The following RBKS variants were observed in gnomAD, a reference collection of about 807,000 sequenced individuals.
RBKS encodes ribokinase.
In RBKS, 33 loss-of-function variants were observed where a neutral mutation model predicts 33.9. The observed-to-expected ratio is 0.97, with a 90% CI of 0.74 to 1.30. RBKS has a LOEUF of 1.30. RBKS is among the 50% of genes most tolerant of loss of function. The pLI is 0.00. For synonymous variants in RBKS, 125 were observed against 143.0 expected, an observed-to-expected ratio of 0.87 and a Z score of 0.90; for missense variants, 361 against 392.6, an observed-to-expected ratio of 0.92 and a Z score of 0.68.
At chr2:27,788,672 A>C (rs1677451727) in intron 7 of RBKS, among the ~76,000 whole-genome samples, 1 of 152,174 alleles carries the variant, frequency 6.6e-6, no homozygotes, top group Non-Finnish European at 1.5e-5. Context: ...GCATCACTGC[A>C]CTCCAGCCTG....
At chr2:27,854,978 T>A (rs1663826732) in intron 2 of RBKS, among the ~76,000 whole-genome samples, 1 of 152,188 alleles carries the variant, frequency 6.6e-6, no homozygotes, top group African/African-American at 2.4e-5. Context: ...TGCCTATAGT[T>A]CATAATACTT....
chr2:27,857,305 A>C (rs1454594219), intron 2 of RBKS, among the ~76,000 whole-genome samples: 2 of 152,244 alleles, frequency 1.3e-5, no homozygotes, highest in Non-Finnish European at 2.9e-5. Context: ...AAAGAAACAC[A>C]ATCATCTACC....
intron 6 of RBKS, among the ~76,000 whole-genome samples, chr2:27,831,789 G>A (rs1041394437): frequency 6.6e-6 from 1 of 152,098 alleles, no homozygotes; most frequent in Non-Finnish European, 1.5e-5. Context: ...TTAGCCAAGC[G>A]TGGTGGTCCC....
At chr2:27,788,970 A>G (rs375144978) in intron 7 of RBKS, among the ~76,000 whole-genome samples, 136 of 152,350 alleles carry the variant, frequency 8.9e-4, no homozygotes, top group African/African-American at 2.9e-3. Flanking sequence ...CCCAGCTGCC[A>G]ACTATTGTAA....
At chr2:27,823,494 CA>C (rs1473114653) in intron 7 of RBKS, among the ~76,000 whole-genome samples, 1 of 152,134 alleles carries the variant, frequency 6.6e-6, no homozygotes, top group South Asian at 2.1e-4. Flanking sequence ...GAGAAGGTTA[CA>C]AACCGACTGA....
At chr2:27,817,705 C>T (rs1429094937) in intron 7 of RBKS, among the ~76,000 whole-genome samples, 3 of 152,242 alleles carry the variant, frequency 2.0e-5, no homozygotes, top group African/African-American at 7.2e-5. Context: ...TTTTCAAGAT[C>T]TGGCAGCTTC....
At chr2:27,887,907 C>T (rs1573085522) in intron 1 of RBKS, among the ~76,000 whole-genome samples, 1 of 152,074 alleles carries the variant, frequency 6.6e-6, no homozygotes, top group Middle Eastern at 3.4e-3. Flanking sequence ...AAATAATTTC[C>T]AAATTTTTCT....
chr2:27,848,998 A>G (rs967492182), intron 2 of RBKS, among the ~76,000 whole-genome samples: 1 of 152,136 alleles, frequency 6.6e-6, no homozygotes, highest in Non-Finnish European at 1.5e-5. Flanking sequence ...TGCTGGCTAT[A>G]AGAGAATGTA....
intron 4 of RBKS, among the ~76,000 whole-genome samples, chr2:27,845,914 T>A (rs1286507608): frequency 2.0e-5 from 3 of 152,148 alleles, no homozygotes; most frequent in Non-Finnish European, 4.4e-5. Flanking sequence ...GGCGTTTTTA[T>A]AATTAAAACA....
At chr2:27,867,076 C>A (rs1436947256) in intron 1 of RBKS, among the ~76,000 whole-genome samples, 2 of 146,120 alleles carry the variant, frequency 1.4e-5, no homozygotes, top group South Asian at 2.2e-4. Flanking sequence ...TGCACTCCAG[C>A]CTGAGTGACA....
rs143326202 is a variant in RBKS, at chr2:27,789,746, G to A, written c.796-7958C>T. On this transcript the variant is annotated intron_variant, in intron 7 of 7. Coordinates refer to ENST00000302188, the MANE Select transcript of RBKS (RefSeq NM_022128.3). The stretch of plus-strand genomic sequence containing the variant: ...CGCCTGGCTAATTTTTGTATTTTTA[G>A]TAGAGATGAGATTTCACCATATTGG... Among the ~76,000 whole-genome samples the A allele has an allele frequency of 8.1e-3, 1,226 of 151,362 alleles. 13 individuals are homozygous for A. The highest frequency in any genetic ancestry group is 0.028 in the African/African-American group (1,157 of 41,256).
At chr2:27,798,720 A>G (rs1207851029) in intron 7 of RBKS, among the ~76,000 whole-genome samples, 1 of 151,990 alleles carries the variant, frequency 6.6e-6, no homozygotes, top group African/African-American at 2.4e-5. Flanking sequence ...CCACTTTTCC[A>G]GTTTCATCTC....
rs555625427 is a variant in RBKS, at chr2:27,799,831, G to A, written c.796-18043C>T. The stretch of plus-strand genomic sequence containing the variant: ...ATGGCTCATACTTAGGCTGGCCCAG[G>A]GGCCAGGCTTGCTCTGCGCTCTCTT... On this transcript the variant is annotated intron_variant, in intron 7 of 7. Coordinates refer to ENST00000302188, the MANE Select transcript of RBKS (RefSeq NM_022128.3). 3.9e-5 allele frequency among the ~76,000 whole-genome samples: 6 copies of A among 152,258 alleles called. No homozygotes were observed. The East Asian group carries it at 1.2e-3, about 29-fold the overall frequency.
At position 27,831,102 on chromosome 2, in the gene RBKS, C is replaced by T. The variant is rs535469915; in HGVS notation, c.606+1584G>A. ...GTCTTCCAACTGAAGCCCCAGGCAT[C>T]GCGTGGGAGAGTCAAACCATGCTAT... On this transcript the variant is annotated intron_variant, in intron 6 of 7. Coordinates refer to ENST00000302188, the MANE Select transcript of RBKS (RefSeq NM_022128.3). 3.3e-5 allele frequency among the ~76,000 whole-genome samples: 5 copies of T among 152,250 alleles called. No individual in the cohort carries two copies. In the East Asian group the frequency reaches 7.7e-4, roughly 23 times the overall value.
In RBKS at chr2:27,781,734, T is replaced by G; in HGVS notation, c.850A>C (p.Asn284His). 1 of 1,614,056 alleles carries G rather than the reference T, an allele frequency of 6.2e-7. No individual in the cohort carries two copies. The highest frequency in any genetic ancestry group is 8.5e-7 in the Non-Finnish European group (1 of 1,179,972). Residue 284 changes from asparagine (N) to histidine (H), a missense_variant, in exon 8 of 8, where the codon AAT becomes CAT. Transcript: ENST00000302188. ...TTGAGCATGTCTTCCAAGGACAGAT[T>G]TGGATAGTAAGCCAGGTAGAAGGCC... ...ALAFYLAYYPNLSLEDMLNRS... is the reference protein window; with the variant it reads ...ALAFYLAYYPHLSLEDMLNRS...
At chr2:27,788,875 G>A (rs1416095113) in intron 7 of RBKS, among the ~76,000 whole-genome samples, 1 of 152,154 alleles carries the variant, frequency 6.6e-6, no homozygotes, top group Admixed American at 6.5e-5. Flanking sequence ...AATGGTGAGA[G>A]TTTCAAGGAC....
At position 27,798,779 on chromosome 2, in the gene RBKS, C is replaced by T. The variant is rs143996052; in HGVS notation, c.796-16991G>A. On this transcript the variant is annotated intron_variant, in intron 7 of 7. Transcript: ENST00000302188. The stretch of plus-strand genomic sequence containing the variant: ...GAACTTACTTCTTCCTATTCACTTA[C>T]GGGTCTCAGTACATGGAGACACCTC... Among the ~76,000 whole-genome samples, 921 of 152,318 alleles carry T rather than the reference C, an allele frequency of 6.0e-3. 7 individuals carry two copies. The highest frequency in any genetic ancestry group is 7.4e-3 in the Non-Finnish European group (504 of 68,030).
rs1035105289 is a variant in RBKS, at chr2:27,837,513, G to GA, written c.515-4737dup. Among the ~76,000 whole-genome samples the GA allele has an allele frequency of 9.2e-5, 14 of 152,136 alleles. No homozygotes were observed. Among genetic ancestry groups the GA allele is most frequent in the African/African-American group, 3.1e-4 (13 of 41,422 alleles). On this transcript the variant is annotated intron_variant, in intron 5 of 7. Coordinates refer to ENST00000302188, the MANE Select transcript of RBKS (RefSeq NM_022128.3). The surrounding 1 kb of genome is among the most constrained non-coding windows in gnomAD (Gnocchi z 4.0). Reference sequence around the variant, plus strand: ...GGAAAACAGATCATTATACCTAAAGGAAACATGTACTTGTATGTTCATCAC... The same window carrying GA: ...GGAAAACAGATCATTATACCTAAAGGAAAACATGTACTTGTATGTTCATCAC...
intron 1 of RBKS, among the ~76,000 whole-genome samples, chr2:27,864,996 G>A (rs1377921494): frequency 1.3e-5 from 2 of 152,184 alleles, no homozygotes; most frequent in Non-Finnish European, 2.9e-5. Flanking sequence ...CTCTCCACAG[G>A]TCTTTAACTT....
Sources: allele counts gnomAD v4.1 joint callset (sites outside exome capture counted in the v4.1 genomes callset), GRCh38; gene constraint gnomAD v4.1.1; non-coding constraint Gnocchi (gnomAD v3.1); transcripts MANE v1.5; gene names NCBI Gene and HGNC (gene_info 2026-07-23, HGNC 2026-07-21).